The following NMNAT3 variants were observed in gnomAD, a reference collection of about 807,000 sequenced individuals.
The protein encoded by NMNAT3 is nicotinamide nucleotide adenylyltransferase 3.
NMNAT3 carries 21 observed loss-of-function variants against 24.8 expected under a neutral mutation model. The observed-to-expected ratio is 0.85, with a 90% confidence interval of 0.60 to 1.22. The LOEUF is 1.22. Ranked by LOEUF, NMNAT3 falls within the 50% of genes most tolerant of loss-of-function variation. NMNAT3 has a pLI of 0.00. For missense variants in NMNAT3, 387 were observed against 436.6 expected (o/e 0.89, Z 1.01); for synonymous variants, 136 against 155.2 (o/e 0.88, Z 0.92).
At chr3:139,613,356 T>C (rs139800401) in intron 3 of NMNAT3, among the ~76,000 whole-genome samples, 14,285 of 152,284 alleles carry the variant, frequency 0.094, 875 homozygotes, top group Non-Finnish European at 0.14. Context: ...AAAGAAGATA[T>C]TTATGCAGCC....
At chr3:139,575,017 C>T (rs532680287) in intron 5 of NMNAT3, among the ~76,000 whole-genome samples, 7 of 152,204 alleles carry the variant, frequency 4.6e-5, no homozygotes, top group East Asian at 3.9e-4. Flanking sequence ...TTAATTGAAA[C>T]GCTTAGCACC....
chr3:139,631,811 C>T (rs7653715), intron 2 of NMNAT3, among the ~76,000 whole-genome samples: 1 of 152,008 alleles, frequency 6.6e-6, no homozygotes, highest in African/African-American at 2.4e-5. Context: ...TTACCTCCCC[C>T]CTACTGCCCT....
chr3:139,588,422 A>T (rs1223323035), intron 3 of NMNAT3, among the ~76,000 whole-genome samples: 1 of 152,220 alleles, frequency 6.6e-6, no homozygotes, highest in Non-Finnish European at 1.5e-5. Flanking sequence ...GGAATAAATA[A>T]AGTATGAAAT....
intron 3 of NMNAT3, among the ~76,000 whole-genome samples, chr3:139,606,332 G>T (rs2054942520): frequency 1.3e-5 from 2 of 152,168 alleles, no homozygotes; most frequent in African/African-American, 2.4e-5. Context: ...AGTTTGGTTG[G>T]TGTTTTCTCA....
At chr3:139,663,090 G>A (rs1009324757) in intron 1 of NMNAT3, among the ~76,000 whole-genome samples, 3 of 152,202 alleles carry the variant, frequency 2.0e-5, no homozygotes, top group African/African-American at 7.2e-5. Context: ...TACAGTTAAG[G>A]TGTCAGCAGG....
intron 6 of NMNAT3, chr3:139,567,484 T>C (rs1342349416): frequency 6.6e-6 from 1 of 152,154 alleles, no homozygotes; most frequent in Non-Finnish European, 1.5e-5. Context: ...CAGTATGATA[T>C]TGGCTGTGGG....
rs750073072 is a variant in NMNAT3 at position 139,578,951 on chromosome 3, G to C, written c.496C>G (p.Leu166Val). The C allele has an allele frequency of 6.2e-7, 1 of 1,614,216 alleles. No homozygotes were observed. Among genetic ancestry groups the C allele is most frequent in the East Asian group, 2.2e-5 (1 of 44,884 alleles). The change falls in exon 5 of 7, where the codon CTG (leucine) becomes GTG (valine). Residue 166 changes from leucine (L) to valine (V), a missense_variant. Leu to Val is a conservative substitution (Grantham distance 32). Transcript: ENST00000643695. Reference sequence around the variant, plus strand: ...ACCCGGATCCAGTCGGATGTCTGCAGGGCCAGCCGGGCCATGGCCACTCGG... The same window carrying C: ...ACCCGGATCCAGTCGGATGTCTGCACGGCCAGCCGGGCCATGGCCACTCGG...
At chr3:139,586,106 T>C (rs2053928247) in intron 3 of NMNAT3, among the ~76,000 whole-genome samples, 1 of 152,144 alleles carries the variant, frequency 6.6e-6, no homozygotes, top group Non-Finnish European at 1.5e-5. Context: ...AATAGTGAAG[T>C]TTGCTAAAGA....
intron 3 of NMNAT3, among the ~76,000 whole-genome samples, chr3:139,612,028 G>A (rs915626300): frequency 6.6e-6 from 1 of 152,086 alleles, no homozygotes; most frequent in Non-Finnish European, 1.5e-5. Flanking sequence ...TTAGCCAGGT[G>A]TGGTGGCGCA....
intron 3 of NMNAT3, among the ~76,000 whole-genome samples, chr3:139,613,253 C>T (rs909167968): frequency 2.9e-4 from 44 of 152,222 alleles, no homozygotes; most frequent in African/African-American, 9.6e-4. Flanking sequence ...AGGGCTAATA[C>T]CCGGAATCTA....
chr3:139,603,305 TACTC>T (rs2054795627), intron 3 of NMNAT3, among the ~76,000 whole-genome samples: 2 of 152,200 alleles, frequency 1.3e-5, no homozygotes, highest in East Asian at 1.9e-4. Context: ...CTTTGTGAAA[TACTC>T]AGTCAGCTCT....
chr3:139,627,891 A>G (rs774651929), intron 2 of NMNAT3, 127 bp from the exon 4 acceptor site: 4 of 472,492 alleles, frequency 8.5e-6, no homozygotes, highest in Admixed American at 7.4e-5. Flanking sequence ...CATTAAAACA[A>G]CGTTTAAGGA....
intron 3 of NMNAT3, among the ~76,000 whole-genome samples, chr3:139,611,288 G>A (rs1306135518): frequency 1.3e-5 from 2 of 152,202 alleles, no homozygotes; most frequent in Non-Finnish European, 2.9e-5. Context: ...CTTTAACGAA[G>A]TGTTGAGTTG....
intron 3 of NMNAT3, among the ~76,000 whole-genome samples, chr3:139,615,601 A>T (rs571058519): frequency 6.6e-6 from 1 of 152,220 alleles, no homozygotes; most frequent in South Asian, 2.1e-4. Context: ...GACATTTGTA[A>T]CTTCTCTCTG....
chr3:139,665,756 G>A (rs1221491073), intron 1 of NMNAT3, among the ~76,000 whole-genome samples: 1 of 141,302 alleles, frequency 7.1e-6, no homozygotes, highest in East Asian at 2.1e-4. Context: ...GAGAGAGAGA[G>A]AGACCTTTTT....
At chr3:139,615,160 A>G (rs2055425236) in intron 3 of NMNAT3, among the ~76,000 whole-genome samples, 1 of 152,154 alleles carries the variant, frequency 6.6e-6, no homozygotes, top group African/African-American at 2.4e-5. Context: ...TGTCCCTTTG[A>G]CATGTGCCAT....
At chr3:139,616,642 T>A (rs2055515912) in intron 3 of NMNAT3, among the ~76,000 whole-genome samples, 2 of 152,160 alleles carry the variant, frequency 1.3e-5, no homozygotes, top group South Asian at 4.1e-4. Flanking sequence ...TTCAATCCAT[T>A]ACCAGGTCAA....
intron 6 of NMNAT3, chr3:139,567,377 C>G (rs1937404726): frequency 6.6e-6 from 1 of 152,172 alleles, no homozygotes; most frequent in South Asian, 2.1e-4. Flanking sequence ...ATTGCCCTGA[C>G]CAGAACTTCC....
intron 3 of NMNAT3, chr3:139,599,610 T>G (rs989577324): frequency 1.7e-6 from 1 of 571,746 alleles, no homozygotes; most frequent in Admixed American, 3.2e-5. Flanking sequence ...ACAAACAGAC[T>G]GTTGTGATTA....
Sources: allele counts gnomAD v4.1 joint callset (sites outside exome capture counted in the v4.1 genomes callset), GRCh38; gene constraint gnomAD v4.1.1; transcripts MANE v1.5; gene names NCBI Gene and HGNC (gene_info 2026-07-23, HGNC 2026-07-21).